ALPL: variants seen among roughly 807,000 people sequenced by gnomAD.
ALPL encodes alkaline phosphatase, biomineralization associated.
In ALPL, 42 loss-of-function variants were observed where a neutral mutation model predicts 51.3. The ratio of observed to expected loss-of-function variants is 0.82; its 90% confidence interval spans 0.64 to 1.06. The LOEUF is 1.06. ALPL is among the 50% of genes least tolerant of loss of function. The pLI is 0.00. For missense variants in ALPL, 589 were observed against 709.4 expected, an observed-to-expected ratio of 0.83 and a Z score of 1.93; for synonymous variants, 279 against 296.4, an observed-to-expected ratio of 0.94 and a Z score of 0.60.
intron 6 of ALPL, among the ~76,000 whole-genome samples, chr1:21,566,078 CCTT>C (rs776394117): frequency 5.3e-5 from 8 of 152,110 alleles, no homozygotes; most frequent in Non-Finnish European, 8.8e-5. Context: ...GTCCCCTTCT[CCTT>C]CTTCTCCCAG....
chr1:21,577,159 G>GT lies in ALPL; in HGVS notation c.1310-222dup, dbSNP rs549007822. Among the ~76,000 whole-genome samples the GT allele has an allele frequency of 1.3e-4, 20 of 152,312 alleles. No individual in the cohort carries two copies. The East Asian group carries it at 3.7e-3, about 28-fold the overall frequency. On this transcript the variant is annotated intron_variant, in intron 11 of 11. Transcript: ENST00000374840. ...TGCTAATCCAAGCAGCCCAAATGAGGTTAATTTTCTCTGTTGGGGGTTGAG... is the reference window on the plus strand; with the variant it reads ...TGCTAATCCAAGCAGCCCAAATGAGGTTTAATTTTCTCTGTTGGGGGTTGAG...
chr1:21,518,265 C>T (rs1643837988), intron 1 of ALPL, among the ~76,000 whole-genome samples: 1 of 152,066 alleles, frequency 6.6e-6, no homozygotes, highest in South Asian at 2.1e-4. Flanking sequence ...CTGCCCCTCT[C>T]CACCCTTTGT....
rs539103711 is a variant in ALPL at position 21,564,958 on chromosome 1, C to G, written c.648+742C>G. Among the ~76,000 whole-genome samples, 1 of 152,310 alleles carries G rather than the reference C, an allele frequency of 6.6e-6. No individual in the cohort carries two copies. The highest frequency in any genetic ancestry group is 1.5e-5 in the Non-Finnish European group (1 of 68,024). On this transcript the variant is annotated intron_variant, in intron 6 of 11. Coordinates refer to ENST00000374840, the MANE Select transcript of ALPL (RefSeq NM_000478.6). This position sits in a 1 kb window ranked among gnomAD's most constrained non-coding sequence, Gnocchi z 5.8. ...AGAAGTCATCCATGTGACGCTTACT[C>G]TCTGTTCTTAAGTGAGAATGCCCGG...
At chr1:21,553,349 A>C (rs546317737) in intron 1 of ALPL, among the ~76,000 whole-genome samples, 4 of 152,302 alleles carry the variant, frequency 2.6e-5, no homozygotes, top group African/African-American at 9.6e-5. Flanking sequence ...TTTTTCACAT[A>C]TGTGACTCCT....
intron 1 of ALPL, among the ~76,000 whole-genome samples, chr1:21,512,589 A>G (rs941651877): frequency 2.0e-5 from 3 of 152,116 alleles, no homozygotes; most frequent in South Asian, 2.1e-4. Flanking sequence ...TTGGATTCCA[A>G]TCGCCAGCTG....
At chr1:21,557,187 T>TC (rs1644425076) in intron 2 of ALPL, among the ~76,000 whole-genome samples, 1 of 152,114 alleles carries the variant, frequency 6.6e-6, no homozygotes. Flanking sequence ...TGGCTAGAAG[T>TC]CCCCACTTGC....
At chr1:21,531,721 C>A (rs1227834126) in intron 1 of ALPL, among the ~76,000 whole-genome samples, 1 of 152,166 alleles carries the variant, frequency 6.6e-6, no homozygotes, top group Non-Finnish European at 1.5e-5. Flanking sequence ...GGGCTGAACT[C>A]CAACCCCACA....
Position 21,570,336 on chromosome 1 carries a change from T to C in ALPL, c.824T>C (p.Leu275Pro), listed in dbSNP as rs1237252052. 1.9e-6 allele frequency: 3 copies of C among 1,614,088 alleles called. No homozygotes were observed. The highest frequency in any genetic ancestry group is 2.5e-6 in the Non-Finnish European group (3 of 1,180,004). ...CACTTCATCTGGAACCGCACGGAAC[T>C]CCTGACCCTTGACCCCCACAATGTG... ...HSHFIWNRTE[L>P]LTLDPHNVDY... The change falls in exon 8 of 12, where the codon CTC (leucine) becomes CCC (proline). Residue 275 changes from leucine to proline, a missense_variant. By Grantham distance (98) the Leu-to-Pro change is moderately conservative. Transcript: ENST00000374840.
chr1:21,513,979 T>G (rs1330592436), intron 1 of ALPL, among the ~76,000 whole-genome samples: 1 of 152,216 alleles, frequency 6.6e-6, no homozygotes, highest in East Asian at 1.9e-4. Flanking sequence ...CTGGGCTAGA[T>G]GCAGTGAGGC....
At chr1:21,542,739 A>G (rs774476656) in intron 1 of ALPL, among the ~76,000 whole-genome samples, 1 of 152,064 alleles carries the variant, frequency 6.6e-6, no homozygotes, top group Non-Finnish European at 1.5e-5. Flanking sequence ...TAGGGAGGCT[A>G]AGGCATGAGA....
chr1:21,542,238 G>C (rs1346746360), intron 1 of ALPL, among the ~76,000 whole-genome samples: 1 of 152,046 alleles, frequency 6.6e-6, no homozygotes, highest in Non-Finnish European at 1.5e-5. Flanking sequence ...GTGCCCCCCA[G>C]CCCCTGCCTC....
chr1:21,576,784 G>A, intron 11 of ALPL, 143 bp downstream of exon 11: 2 of 1,172,244 alleles, frequency 1.7e-6, no homozygotes, highest in South Asian at 1.5e-5. Flanking sequence ...TGAGTCCCAG[G>A]TTGTTTGATT....
intron 1 of ALPL, among the ~76,000 whole-genome samples, chr1:21,553,551 G>C (rs1644359382): frequency 6.6e-6 from 1 of 152,230 alleles, no homozygotes; most frequent in African/African-American, 2.4e-5. Flanking sequence ...CAAAGCAGCA[G>C]CTTCTCCTGG....
chr1:21,545,254 C>T (rs1198619967), intron 1 of ALPL, among the ~76,000 whole-genome samples: 1 of 152,058 alleles, frequency 6.6e-6, no homozygotes, highest in Non-Finnish European at 1.5e-5. Context: ...ACACTTGTGC[C>T]AATCACCAAG....
chr1:21,537,565 C>T (rs1644125878), intron 1 of ALPL, among the ~76,000 whole-genome samples: 1 of 152,206 alleles, frequency 6.6e-6, no homozygotes, highest in Non-Finnish European at 1.5e-5. Flanking sequence ...CAGAACCACC[C>T]CCCCCACCGC....
intron 1 of ALPL, among the ~76,000 whole-genome samples, chr1:21,545,730 GC>G (rs1423332022): frequency 3.3e-5 from 5 of 152,256 alleles, no homozygotes; most frequent in Non-Finnish European, 2.9e-5. Context: ...AAGTGGCTGC[GC>G]TGGTTCCTAC....
chr1:21,576,589 T>C lies in ALPL; in HGVS notation c.1257T>C (p.Pro419=), dbSNP rs2148192510. Residue 419 remains proline (P), a synonymous_variant, in exon 11 of 12, where the codon CCT becomes CCC. Transcript: ENST00000374840. ...CTGCCATCCTGTATGGCAATGGGCC[T>C]GGCTACAAGGTGGTGGGCGGTGAAC... ...PFTAILYGNG[P]GYKVVGGERE... The C allele has an allele frequency of 6.2e-7, 1 of 1,613,928 alleles. No individual in the cohort carries two copies. The highest frequency in any genetic ancestry group is 8.5e-7 in the Non-Finnish European group (1 of 1,179,936).
intron 1 of ALPL, among the ~76,000 whole-genome samples, chr1:21,544,513 C>A (rs1644228529): frequency 6.6e-6 from 1 of 152,174 alleles, no homozygotes; most frequent in Non-Finnish European, 1.5e-5. Flanking sequence ...GAGGCCGAGG[C>A]ATGTGGATTG....
intron 1 of ALPL, among the ~76,000 whole-genome samples, chr1:21,525,709 TG>T (rs368394605): frequency 0.13 from 19,315 of 152,202 alleles, 1,386 homozygotes; most frequent in Middle Eastern, 0.18. Context: ...GTGTGTAGGC[TG>T]GGCTCCGCGG....
Sources: gnomAD v4.1 joint callset for allele counts (sites outside exome capture counted in the v4.1 genomes callset) on GRCh38, gnomAD v4.1.1 for gene constraint, Gnocchi (gnomAD v3.1) non-coding constraint, MANE v1.5 for transcripts, NCBI Gene and HGNC (gene_info 2026-07-23, HGNC 2026-07-21) for gene names.